Variants in SHQ1 observed in about 807,000 individuals in gnomAD.
SHQ1 encodes protein SHQ1 homolog.
Under a neutral mutation model 53.8 loss-of-function variants are expected in SHQ1, and 49 were observed. That is an observed-to-expected ratio of 0.91 (90% CI 0.72 to 1.16). The LOEUF is 1.16. Among genes scored for constraint, SHQ1 ranks in the 50% most tolerant of loss-of-function variants. The pLI, the probability that SHQ1 is intolerant of heterozygous loss-of-function variation, is 0.00. For synonymous variants in SHQ1, 243 were observed against 251.0 expected, an observed-to-expected ratio of 0.97 and a Z score of 0.30; for missense variants, 738 against 683.1, an observed-to-expected ratio of 1.08 and a Z score of -0.90.
At chr3:72,773,496 A>C (rs1209817345) in intron 10 of SHQ1, 2 of 262,820 alleles carry the variant, frequency 7.6e-6, no homozygotes, top group South Asian at 9.3e-5. Context: ...AAAAAAAAAA[A>C]AGAAAAAAAA....
At chr3:72,778,588 G>A (rs182277738) in intron 10 of SHQ1, among the ~76,000 whole-genome samples, 81 of 152,046 alleles carry the variant, frequency 5.3e-4, no homozygotes, top group African/African-American at 2.0e-3. Context: ...AAATATTATT[G>A]TATTTTATAT....
At chr3:72,818,170 C>T (rs1273410362) in intron 6 of SHQ1, among the ~76,000 whole-genome samples, 1 of 151,968 alleles carries the variant, frequency 6.6e-6, no homozygotes, top group African/African-American at 2.4e-5. Flanking sequence ...GGTCATTTTT[C>T]TCCATCTAGC....
chr3:72,752,914 C>T (rs1234371990), intron 10 of SHQ1: 17 of 870,510 alleles, frequency 2.0e-5, no homozygotes, highest in African/African-American at 5.5e-5. Flanking sequence ...CCACCTACCT[C>T]GGCCTCCCAA....
intron 10 of SHQ1, among the ~76,000 whole-genome samples, chr3:72,754,582 T>C (rs952194471): frequency 2.0e-5 from 3 of 152,116 alleles, no homozygotes; most frequent in African/African-American, 7.2e-5. Context: ...GGTTTTTCCA[T>C]GTTGGTCAGG....
chr3:72,848,265 C>T lies in SHQ1; in HGVS notation c.76G>A (p.Val26Ile). 6.2e-7 allele frequency: 1 copy of T among 1,614,196 alleles called. No individual in the cohort carries two copies. Among genetic ancestry groups the T allele is most frequent in the East Asian group, 2.2e-5 (1 of 44,870 alleles). Residue 26 changes from valine (V) to isoleucine (I), a missense_variant, in exon 1 of 11, where the codon GTC (valine) becomes ATC (isoleucine). Transcript: ENST00000325599. ...TIAIRVPYAR[V>I]SEFDVYFEGS... ...TCGAAGTAGACGTCGAACTCGGAGACCCGGGCGTAGGGCACGCGGATGGCG... is the reference window on the plus strand; with the variant it reads ...TCGAAGTAGACGTCGAACTCGGAGATCCGGGCGTAGGGCACGCGGATGGCG...
At chr3:72,792,393 C>G (rs1559674219) in intron 10 of SHQ1, among the ~76,000 whole-genome samples, 1 of 152,110 alleles carries the variant, frequency 6.6e-6, no homozygotes, top group Non-Finnish European at 1.5e-5. Context: ...AACTTTTTAC[C>G]ATCTGTGTAC....
chr3:72,767,437 G>T (rs1705752833), intron 10 of SHQ1, among the ~76,000 whole-genome samples: 1 of 152,200 alleles, frequency 6.6e-6, no homozygotes, highest in African/African-American at 2.4e-5. Context: ...CAGAACCACT[G>T]GAGAATCTGT....
the SHQ1 span, among the ~76,000 whole-genome samples, chr3:72,736,731 TGTA>T: frequency 7.3e-6 from 1 of 136,414 alleles, no homozygotes; most frequent in African/African-American, 2.8e-5. Context: ...AGGCAGAAGT[TGTA>T]GTGAGCCGAG....
chr3:72,726,919 A>T, the SHQ1 span, among the ~76,000 whole-genome samples: 1 of 152,184 alleles, frequency 6.6e-6, no homozygotes, highest in African/African-American at 2.4e-5. Context: ...ATAGGCAAAA[A>T]TCGTAAAGGG....
chr3:72,841,891 C>T (rs1288684791), intron 3 of SHQ1, among the ~76,000 whole-genome samples: 1 of 152,180 alleles, frequency 6.6e-6, no homozygotes, highest in Non-Finnish European at 1.5e-5. Flanking sequence ...CAGTAATACT[C>T]CTGGCCCTCC....
chr3:72,788,466 G>A (rs188685193), intron 10 of SHQ1, among the ~76,000 whole-genome samples: 2,916 of 151,680 alleles, frequency 0.019, 76 homozygotes, highest in Middle Eastern at 0.059. Flanking sequence ...AGTGAGGAGC[G>A]TCTCCGCCCG....
At position 72,792,996 on chromosome 3, in the gene SHQ1, T is replaced by C; in HGVS notation, c.1101A>G (p.Lys367=). The change falls in exon 10 of 11, where the codon AAA becomes AAG. Residue 367 remains lysine (K), a synonymous_variant. Transcript: ENST00000325599. ...ACGCTGGGTCATTTTCCTGAAAAAT[T>C]TTGTGAATATCCAGGAGACACTTTA... ...AVLKCLLDIH[K]IFQENDPAYI... is the part of the protein sequence containing the mutation. The C allele has an allele frequency of 6.2e-7, 1 of 1,612,058 alleles. No homozygotes were observed. Among genetic ancestry groups the C allele is most frequent in the South Asian group, 1.1e-5 (1 of 90,922 alleles).
chr3:72,783,453 C>G (rs764363523), intron 10 of SHQ1, among the ~76,000 whole-genome samples: 1 of 148,084 alleles, frequency 6.8e-6, no homozygotes, highest in Non-Finnish European at 1.5e-5. Flanking sequence ...CAGCCTTGAA[C>G]TCCTGGGTTC....
chr3:72,769,800 G>A (rs1319337759), intron 10 of SHQ1, among the ~76,000 whole-genome samples: 1 of 152,164 alleles, frequency 6.6e-6, no homozygotes, highest in African/African-American at 2.4e-5. Flanking sequence ...CCAAGAAAAT[G>A]TCCTGTGTTT....
intron 10 of SHQ1, among the ~76,000 whole-genome samples, chr3:72,790,928 A>G (rs1337739679): frequency 6.6e-6 from 1 of 152,202 alleles, no homozygotes; most frequent in Non-Finnish European, 1.5e-5. Context: ...TAAAAGTACT[A>G]TTAGCACAAC....
chr3:72,813,185 G>C (rs1048607187), intron 8 of SHQ1, among the ~76,000 whole-genome samples: 1 of 152,150 alleles, frequency 6.6e-6, no homozygotes, highest in Non-Finnish European at 1.5e-5. Context: ...CAAAAATGTA[G>C]AACTCACCGG....
At chr3:72,787,458 T>C (rs1033040378) in intron 10 of SHQ1, among the ~76,000 whole-genome samples, 5 of 152,214 alleles carry the variant, frequency 3.3e-5, no homozygotes, top group Admixed American at 2.6e-4. Flanking sequence ...ACACCGTTCT[T>C]GATCCCTTGT....
chr3:72,775,632 T>C (rs527413870), intron 10 of SHQ1, among the ~76,000 whole-genome samples: 2 of 152,260 alleles, frequency 1.3e-5, no homozygotes, highest in South Asian at 4.1e-4. Flanking sequence ...ACATACCCTC[T>C]TCCTGATTGT....
chr3:72,836,272 C>G (rs974868032), intron 4 of SHQ1, among the ~76,000 whole-genome samples: 14 of 152,264 alleles, frequency 9.2e-5, no homozygotes, highest in South Asian at 8.3e-4. Flanking sequence ...GGCAGATCAC[C>G]AGGTCAGGAG....
Sources: gnomAD v4.1 joint callset for allele counts (sites outside exome capture counted in the v4.1 genomes callset) on GRCh38, gnomAD v4.1.1 for gene constraint, MANE v1.5 for transcripts, NCBI Gene and HGNC (gene_info 2026-07-23, HGNC 2026-07-21) for gene names.